Variants in LDLRAD3 observed in about 807,000 individuals in gnomAD.
The protein encoded by LDLRAD3 is low density lipoprotein receptor class A domain containing 3.
In LDLRAD3, 20 loss-of-function variants were observed where a neutral mutation model predicts 29.4. The ratio of observed to expected loss-of-function variants is 0.68; its 90% CI spans 0.48 to 0.99. LDLRAD3 has a LOEUF of 0.99. Among genes scored for constraint, LDLRAD3 ranks in the 50% least tolerant of loss-of-function variants. The pLI, the probability that LDLRAD3 is intolerant of heterozygous loss-of-function variation, is 0.00. For missense variants in LDLRAD3, 420 were observed against 454.3 expected (o/e 0.92, Z 0.69); for synonymous variants, 157 against 192.7 (o/e 0.81, Z 1.53).
At chr11:36,053,123 T>C (rs7942817) in intron 2 of LDLRAD3, among the ~76,000 whole-genome samples, 12,315 of 152,246 alleles carry the variant, frequency 0.081, 811 homozygotes, top group African/African-American at 0.16. Flanking sequence ...AAAGCAGCTA[T>C]AAGTCTATTT....
intron 4 of LDLRAD3, among the ~76,000 whole-genome samples, chr11:36,168,144 A>G (rs1389748623): frequency 2.0e-5 from 3 of 152,206 alleles, no homozygotes; most frequent in South Asian, 2.1e-4. Flanking sequence ...AACAAACTAT[A>G]CTAATTGAAA....
intron 1 of LDLRAD3, among the ~76,000 whole-genome samples, chr11:35,984,724 C>T (rs750325238): frequency 2.0e-5 from 3 of 152,090 alleles, no homozygotes; most frequent in Admixed American, 6.5e-5. Flanking sequence ...CTCCGCCTTC[C>T]GGGGTCAAGC....
chr11:36,180,125 G>C (rs896241683), intron 4 of LDLRAD3, among the ~76,000 whole-genome samples: 1 of 152,152 alleles, frequency 6.6e-6, no homozygotes. Flanking sequence ...CCTGGTTCCA[G>C]GGGGTTCCTA....
chr11:36,092,570 T>A (rs1853299738), intron 3 of LDLRAD3, among the ~76,000 whole-genome samples: 6 of 152,190 alleles, frequency 3.9e-5, no homozygotes, highest in Admixed American at 3.9e-4. Context: ...TTCCACTCTC[T>A]ACCACCGTGT....
At position 36,229,621 on chromosome 11, in the gene LDLRAD3, C is replaced by T; in HGVS notation, c.*224C>T. 15 of 483,546 alleles carry T rather than the reference C, an allele frequency of 3.1e-5. No homozygotes were observed. Among genetic ancestry groups the T allele is most frequent in the South Asian group, 1.8e-4 (4 of 21,940 alleles). 30.0% of individuals were successfully genotyped at this position (483,546 alleles called of 1,614,324 possible). On this transcript the variant is annotated 3_prime_UTR_variant, in exon 6 of 6. Coordinates refer to ENST00000315571, the MANE Select transcript of LDLRAD3 (RefSeq NM_174902.4). The stretch of plus-strand genomic sequence containing the variant: ...TGTGCGTCTTTTCTGTCAGGTCACT[C>T]TTCCCTTGGGACCCGAGATCACACC...
chr11:35,960,985 A>C (rs180736190), intron 1 of LDLRAD3, among the ~76,000 whole-genome samples: 20 of 152,318 alleles, frequency 1.3e-4, no homozygotes, highest in Admixed American at 1.3e-3. Context: ...GCTGAGGTGG[A>C]TAATGGATGG....
chr11:36,211,846 T>C lies in LDLRAD3; in HGVS notation c.455-15239T>C, dbSNP rs536951664. ...TGATTACACCACACTCACAAACTGA[T>C]CAAAGCATCTCCGCTCCCTGCATCC... On this transcript the variant is annotated intron_variant, in intron 4 of 5. Transcript: ENST00000315571. Among the ~76,000 whole-genome samples, 6 of 152,310 alleles carry C rather than the reference T, an allele frequency of 3.9e-5. No individual in the cohort carries two copies. The South Asian group carries it at 1.2e-3, about 32-fold the overall frequency.
chr11:36,092,361 C>T (rs1041927114), intron 3 of LDLRAD3, among the ~76,000 whole-genome samples: 13 of 152,054 alleles, frequency 8.5e-5, no homozygotes, highest in African/African-American at 2.2e-4. Context: ...TTGTTACATA[C>T]ACATAATGCA....
chr11:36,200,954 T>C (rs916412265), intron 4 of LDLRAD3, among the ~76,000 whole-genome samples: 1 of 152,122 alleles, frequency 6.6e-6, no homozygotes, highest in African/African-American at 2.4e-5. Context: ...AAAACAGGAT[T>C]AGTGGGAGTA....
intron 2 of LDLRAD3, among the ~76,000 whole-genome samples, chr11:36,040,439 CA>C (rs1449095429): frequency 6.6e-6 from 1 of 152,046 alleles, no homozygotes; most frequent in East Asian, 1.9e-4. Context: ...GTGTAATCGC[CA>C]GGGGTGTACA....
At chr11:35,991,327 A>AT (rs919582058) in intron 1 of LDLRAD3, among the ~76,000 whole-genome samples, 1 of 152,126 alleles carries the variant, frequency 6.6e-6, no homozygotes, top group Non-Finnish European at 1.5e-5. Context: ...GAGTCCTGTT[A>AT]TTATTGCTTC....
chr11:36,045,288 T>C (rs1380958547), intron 2 of LDLRAD3, among the ~76,000 whole-genome samples: 1 of 152,224 alleles, frequency 6.6e-6, no homozygotes, highest in Non-Finnish European at 1.5e-5. Flanking sequence ...TTTGAAGATG[T>C]TGGTAATTTT....
chr11:36,185,653 C>T (rs1854837631), intron 4 of LDLRAD3, among the ~76,000 whole-genome samples: 2 of 152,296 alleles, frequency 1.3e-5, no homozygotes, highest in South Asian at 2.1e-4. Context: ...GATTAATTGG[C>T]CTCTCGAGGT....
chr11:36,022,908 A>G (rs1337331695), intron 1 of LDLRAD3, among the ~76,000 whole-genome samples: 7 of 152,196 alleles, frequency 4.6e-5, no homozygotes, highest in Non-Finnish European at 1.0e-4. Flanking sequence ...TCATTCAGAC[A>G]TGCATACTAA....
At chr11:36,154,512 GA>G (rs1321836216) in intron 4 of LDLRAD3, among the ~76,000 whole-genome samples, 2 of 152,136 alleles carry the variant, frequency 1.3e-5, no homozygotes, top group Non-Finnish European at 2.9e-5. Flanking sequence ...CCCAATCTTA[GA>G]AATCACAACA....
At chr11:36,080,393 G>GGAAGAAGAATTT (rs1853095728) in intron 2 of LDLRAD3, among the ~76,000 whole-genome samples, 1 of 152,202 alleles carries the variant, frequency 6.6e-6, no homozygotes, top group Admixed American at 6.5e-5. Flanking sequence ...CAGCATGAGT[G>GGAAGAAGAATTT]GAAGAAGAAT....
intron 4 of LDLRAD3, among the ~76,000 whole-genome samples, chr11:36,134,459 AT>A (rs1853975134): frequency 6.6e-6 from 1 of 152,188 alleles, no homozygotes; most frequent in African/African-American, 2.4e-5. Context: ...GGTCTGCAGC[AT>A]TTGCATGTCT....
intron 1 of LDLRAD3, among the ~76,000 whole-genome samples, chr11:35,956,245 C>T (rs924387343): frequency 1.4e-4 from 21 of 152,034 alleles, no homozygotes; most frequent in African/African-American, 3.6e-4. Context: ...CCAGCTACTC[C>T]GGAGGCTGAG....
At chr11:36,111,456 C>G (rs1180236864) in intron 4 of LDLRAD3, among the ~76,000 whole-genome samples, 1 of 152,004 alleles carries the variant, frequency 6.6e-6, no homozygotes, top group African/African-American at 2.4e-5. Flanking sequence ...AGCTTTGTGG[C>G]CAGTGAAAGG....
Sources: gnomAD v4.1 joint callset for allele counts (sites outside exome capture counted in the v4.1 genomes callset) on GRCh38, gnomAD v4.1.1 for gene constraint, MANE v1.5 for transcripts, NCBI Gene and HGNC (gene_info 2026-07-23, HGNC 2026-07-21) for gene names.